ABCG1: variants seen among roughly 807,000 people sequenced by gnomAD.
ABCG1 encodes ATP binding cassette subfamily G member 1.
In ABCG1, 29 loss-of-function variants were observed where a neutral mutation model predicts 69.2. That is an observed-to-expected ratio of 0.42 (90% CI 0.31 to 0.57). The LOEUF (loss-of-function observed/expected upper bound fraction) is 0.57. Among genes scored for constraint, ABCG1 ranks in the 20% least tolerant of loss-of-function variants. The pLI is 0.15. For synonymous variants in ABCG1, 370 were observed against 374.8 expected (o/e 0.99, Z 0.15); for missense variants, 718 against 898.1 (o/e 0.80, Z 2.56).
intron 1 of ABCG1, among the ~76,000 whole-genome samples, chr21:42,225,203 T>C (rs938731837): frequency 6.6e-6 from 1 of 152,212 alleles, no homozygotes; most frequent in Non-Finnish European, 1.5e-5. Flanking sequence ...GTGATGTCAT[T>C]GCTCCTGAGA....
Position 42,288,307 on chromosome 21 carries a change from G to T in ABCG1, c.1219G>T (p.Asp407Tyr). 2 of 1,595,808 alleles carry T rather than the reference G, an allele frequency of 1.3e-6. No homozygotes were observed. The highest frequency in any genetic ancestry group is 1.1e-5 in the South Asian group (1 of 90,492). Residue 407 changes from aspartate (D) to tyrosine (Y), a missense_variant, in exon 10 of 15, where the codon GAC (aspartate) becomes TAC (tyrosine). Transcript: ENST00000398449. The surrounding 1 kb of genome is among the most constrained non-coding windows in gnomAD (Gnocchi z 4.8). ...FKRTFLSIMR[D>Y]SVLTHLRITS... ...GAGGACCTTCCTCAGCATCATGAGG[G>T]ACTCGGTAAGGCTGCCCGCATCTTC...
intron 4 of ABCG1, among the ~76,000 whole-genome samples, chr21:42,274,490 T>G (rs1182755432): frequency 1.1e-4 from 17 of 150,256 alleles, no homozygotes; most frequent in Non-Finnish European, 2.1e-4. Flanking sequence ...TTTTTTTTTT[T>G]TGGGGACAGA....
At chr21:42,229,211 T>C (rs1308544773) in intron 2 of ABCG1, among the ~76,000 whole-genome samples, 2 of 152,232 alleles carry the variant, frequency 1.3e-5, no homozygotes, top group Admixed American at 1.3e-4. Context: ...TTTGGCATCA[T>C]CTCTGTGCGA....
chr21:42,267,016 A>G (rs569705925), intron 2 of ABCG1, among the ~76,000 whole-genome samples: 1 of 152,132 alleles, frequency 6.6e-6, no homozygotes, highest in Non-Finnish European at 1.5e-5. Context: ...CTATGAATTT[A>G]TGTCCCCTAA....
At chr21:42,203,915 ACTT>A (rs913003890) in intron 2 of ABCG1, among the ~76,000 whole-genome samples, 1 of 151,756 alleles carries the variant, frequency 6.6e-6, no homozygotes, top group African/African-American at 2.4e-5. Context: ...TTCTTTTTTT[ACTT>A]CTTTTATCAG....
chr21:42,201,668 T>C (rs760274458), exon 2 of ABCG1: 2 of 1,610,916 alleles, frequency 1.2e-6, no homozygotes, highest in South Asian at 1.1e-5. Context: ...TGCCAGGAGC[T>C]GTTCTTGATG....
intron 2 of ABCG1, among the ~76,000 whole-genome samples, chr21:42,260,523 C>G (rs558302882): frequency 6.6e-6 from 1 of 152,264 alleles, no homozygotes; most frequent in African/African-American, 2.4e-5. Context: ...AGGAGAGGAG[C>G]CGCATGGAAG....
intron 2 of ABCG1, among the ~76,000 whole-genome samples, chr21:42,243,711 C>T (rs565378484): frequency 2.6e-5 from 4 of 151,830 alleles, no homozygotes; most frequent in East Asian, 3.9e-4. Flanking sequence ...GGATTCCCGG[C>T]GCCCTGTCCA....
chr21:42,209,076 G>A (rs186989710), intron 2 of ABCG1, among the ~76,000 whole-genome samples: 1 of 152,316 alleles, frequency 6.6e-6, no homozygotes, highest in Non-Finnish European at 1.5e-5. Context: ...GAGGTCTCAG[G>A]GAGGCAAGAG....
chr21:42,267,252 G>C (rs1601415780), intron 2 of ABCG1, among the ~76,000 whole-genome samples: 1 of 152,336 alleles, frequency 6.6e-6, no homozygotes, highest in Middle Eastern at 3.4e-3. Context: ...TCCGTTTAGT[G>C]TCTGGTCTGA....
At chr21:42,253,543 C>G (rs1404756420) in intron 2 of ABCG1, among the ~76,000 whole-genome samples, 2 of 152,178 alleles carry the variant, frequency 1.3e-5, no homozygotes, top group African/African-American at 2.4e-5. Flanking sequence ...ATTGGACCCC[C>G]AGGCAAGCAG....
chr21:42,285,083 G>A (rs1422808078), intron 7 of ABCG1, among the ~76,000 whole-genome samples: 1 of 152,124 alleles, frequency 6.6e-6, no homozygotes, highest in Non-Finnish European at 1.5e-5. Flanking sequence ...ATGGGATCCT[G>A]GGTGTCACCA....
In ABCG1 at chr21:42,296,207, C is replaced by T. The variant is rs772431337; in HGVS notation, c.1816C>T (p.Arg606Trp). 107 of 1,613,984 alleles carry T rather than the reference C, an allele frequency of 6.6e-5. No homozygotes were observed. The highest frequency in any genetic ancestry group is 1.7e-5 in the Non-Finnish European group (20 of 1,180,024). ...CATCCTCTCCATCTATGGCTTAGAC[C>T]GGGAAGATCTGCACTGTGACATCGA... ...GVILSIYGLD[R>W]EDLHCDIDET... is the part of the protein sequence containing the mutation. Residue 606 changes from arginine to tryptophan, a missense_variant, in exon 15 of 15, where the codon CGG becomes TGG. This residue lies in a region of ABCG1 where 204 missense variants were observed against 323.8 expected (regional missense o/e 0.63). Coordinates refer to ENST00000398449, the MANE Select transcript of ABCG1 (RefSeq NM_016818.3). This position sits in a 1 kb window ranked among gnomAD's most constrained non-coding sequence, Gnocchi z 5.4.
In ABCG1 at chr21:42,279,057, T is replaced by C. The variant is rs371235696; in HGVS notation, c.588+2112T>C. Among the ~76,000 whole-genome samples the C allele has an allele frequency of 3.4e-4, 52 of 152,080 alleles. 1 individual carries two copies. The highest frequency in any genetic ancestry group is 1.1e-3 in the African/African-American group (47 of 41,494). On this transcript the variant is annotated intron_variant, in intron 5 of 14. Transcript: ENST00000398449. ...TGGATCCGCCTTTCAGGGCCCTCCT[T>C]CCCATCCCCCGGCCTCCCTGCTTTC... is the stretch of plus-strand genomic sequence containing the variant.
At chr21:42,280,897 G>A (rs909081760) in intron 5 of ABCG1, among the ~76,000 whole-genome samples, 5 of 152,200 alleles carry the variant, frequency 3.3e-5, no homozygotes, top group East Asian at 1.9e-4. Context: ...CACCTTGCAC[G>A]CCCCCCACCC....
chr21:42,201,678 G>A, exon 2 of ABCG1: 1 of 1,612,470 alleles, frequency 6.2e-7, no homozygotes. Context: ...TGTTCTTGAT[G>A]CTGGGAACGC....
At chr21:42,253,590 A>G (rs1325711761) in intron 2 of ABCG1, among the ~76,000 whole-genome samples, 1 of 152,040 alleles carries the variant, frequency 6.6e-6, no homozygotes, top group Non-Finnish European at 1.5e-5. Context: ...AAGGCCTGGT[A>G]TGACCCCCAT....
intron 2 of ABCG1, among the ~76,000 whole-genome samples, chr21:42,262,092 G>A (rs534565505): frequency 2.6e-5 from 4 of 152,274 alleles, no homozygotes; most frequent in East Asian, 1.9e-4. Flanking sequence ...AGGACTGGGG[G>A]GTTAATGGTT....
chr21:42,239,066 T>C (rs1244818481), intron 2 of ABCG1, among the ~76,000 whole-genome samples: 1 of 152,194 alleles, frequency 6.6e-6, no homozygotes, highest in Non-Finnish European at 1.5e-5. Context: ...TCCCGCTATT[T>C]CTTTCAAAAA....
Sources: allele counts gnomAD v4.1 joint callset (sites outside exome capture counted in the v4.1 genomes callset), GRCh38; gene constraint gnomAD v4.1.1; regional missense constraint gnomAD v4.1.1; non-coding constraint Gnocchi (gnomAD v3.1); transcripts MANE v1.5; gene names NCBI Gene and HGNC (gene_info 2026-07-23, HGNC 2026-07-21).